AP3S1: variants seen among roughly 807,000 people sequenced by gnomAD.
AP3S1 encodes the protein adaptor related protein complex 3 subunit sigma 1.
Under a neutral mutation model 21.3 loss-of-function variants are expected in AP3S1, and 12 were observed. The ratio of observed to expected loss-of-function variants is 0.56; its 90% CI spans 0.36 to 0.91. The LOEUF is 0.91. Ranked by LOEUF, AP3S1 falls within the 40% of genes least tolerant of loss-of-function variation. The pLI is 0.01. For synonymous variants in AP3S1, 48 were observed against 78.4 expected (o/e 0.61, Z 2.05); for missense variants, 116 against 225.0 (o/e 0.52, Z 3.10).
chr5:115,861,900 T>A (rs1218725696), intron 1 of AP3S1, among the ~76,000 whole-genome samples: 2 of 142,258 alleles, frequency 1.4e-5, no homozygotes, highest in Non-Finnish European at 3.0e-5. Context: ...GGGGTCTCGC[T>A]ATGTTGCCCA....
At chr5:115,901,005 T>A (rs1312192376) in intron 4 of AP3S1, among the ~76,000 whole-genome samples, 1 of 152,210 alleles carries the variant, frequency 6.6e-6, no homozygotes, top group Non-Finnish European at 1.5e-5. Flanking sequence ...TAATGTTGAT[T>A]CACTGTTTTA....
intron 1 of AP3S1, 117 bp from the exon 2 acceptor site, chr5:115,866,553 A>G (rs1763635592): frequency 3.8e-6 from 2 of 532,922 alleles, no homozygotes; most frequent in East Asian, 3.5e-5. Context: ...TTCTCCAAGG[A>G]CCCCTCTCTT....
intron 3 of AP3S1, among the ~76,000 whole-genome samples, chr5:115,882,751 T>C (rs1217821062): frequency 1.3e-5 from 2 of 152,194 alleles, no homozygotes; most frequent in Non-Finnish European, 2.9e-5. Flanking sequence ...TGCTGCTCTA[T>C]TCAGAGCTGG....
Position 115,864,859 on chromosome 5 carries a change from C to T in AP3S1, c.70-1811C>T, listed in dbSNP as rs139452450. Among the ~76,000 whole-genome samples, 674 of 152,240 alleles carry T rather than the reference C, an allele frequency of 4.4e-3. 3 individuals are homozygous for T. Among genetic ancestry groups the T allele is most frequent in the Middle Eastern group, 0.01 (3 of 294 alleles). ...GGAAGTAGACTTAGAAGAAGCAGCG[C>T]CAGAAAACAAATTGACATTAGACAA... On this transcript the variant is annotated intron_variant, in intron 1 of 5. Coordinates refer to ENST00000316788, the MANE Select transcript of AP3S1 (RefSeq NM_001284.4).
chr5:115,908,855 T>A, intron 5 of AP3S1: 1 of 371,556 alleles, frequency 2.7e-6, no homozygotes, highest in Non-Finnish European at 3.7e-6. Flanking sequence ...TTTAAACTAT[T>A]GACATTTTCT....
chr5:115,889,288 C>A (rs1376352645), intron 3 of AP3S1, among the ~76,000 whole-genome samples: 1 of 151,814 alleles, frequency 6.6e-6, no homozygotes, highest in Non-Finnish European at 1.5e-5. Context: ...ATCAATGGAA[C>A]TAGAAAAATT....
intron 1 of AP3S1, among the ~76,000 whole-genome samples, chr5:115,844,723 A>G (rs1260059030): frequency 2.0e-5 from 3 of 152,206 alleles, no homozygotes; most frequent in African/African-American, 7.2e-5. Context: ...TTCTAGGCCC[A>G]GCACAAACAT....
At chr5:115,910,907 TG>T (rs1263602555) in intron 5 of AP3S1, among the ~76,000 whole-genome samples, 1 of 152,220 alleles carries the variant, frequency 6.6e-6, no homozygotes, top group Non-Finnish European at 1.5e-5. Flanking sequence ...ACAAAAGTAT[TG>T]AACATGCTTG....
At chr5:115,874,663 A>G (rs1307462353) in intron 3 of AP3S1, among the ~76,000 whole-genome samples, 2 of 152,316 alleles carry the variant, frequency 1.3e-5, no homozygotes, top group Middle Eastern at 3.4e-3. Context: ...ATTTGTTATT[A>G]TTACAGTACT....
intron 3 of AP3S1, among the ~76,000 whole-genome samples, chr5:115,879,416 G>A (rs1016029896): frequency 3.9e-5 from 6 of 152,164 alleles, no homozygotes; most frequent in Non-Finnish European, 8.8e-5. Context: ...AAGGGGTGTT[G>A]AATTTTATCA....
chr5:115,852,580 C>T (rs1580618305), intron 1 of AP3S1, among the ~76,000 whole-genome samples: 1 of 152,158 alleles, frequency 6.6e-6, no homozygotes, highest in Middle Eastern at 3.4e-3. Flanking sequence ...TCATTTTTGT[C>T]AAACTAAATG....
At chr5:115,861,865 C>CTTTTTTTTTTT (rs113923492) in intron 1 of AP3S1, among the ~76,000 whole-genome samples, 8 of 110,604 alleles carry the variant, frequency 7.2e-5, no homozygotes, top group Non-Finnish European at 1.2e-4. Flanking sequence ...CTTTTCTTTT[C>CTTTTTTTTTTT]TTTTTTTTTT....
chr5:115,889,622 C>T (rs1292865548), intron 3 of AP3S1, among the ~76,000 whole-genome samples: 2 of 152,072 alleles, frequency 1.3e-5, no homozygotes, highest in African/African-American at 4.8e-5. Context: ...AGGCAAGCCA[C>T]AGAACTGGCA....
chr5:115,896,868 T>G lies in AP3S1; in HGVS notation c.345+1710T>G, dbSNP rs142020577. On this transcript the variant is annotated intron_variant, in intron 4 of 5. Coordinates refer to ENST00000316788, the MANE Select transcript of AP3S1 (RefSeq NM_001284.4). ...TGACTGCTGAGAGGTCATCATTAGC[T>G]TATGTAAATACATTTACCATCTTTT... 5.1e-3 allele frequency among the ~76,000 whole-genome samples: 778 copies of G among 152,348 alleles called. 2 individuals are homozygous for G. Among genetic ancestry groups the G allele is most frequent in the South Asian group, 7.3e-3 (35 of 4,826 alleles).
At chr5:115,905,552 T>A (rs1316524726) in intron 5 of AP3S1, among the ~76,000 whole-genome samples, 1 of 152,224 alleles carries the variant, frequency 6.6e-6, no homozygotes, top group Non-Finnish European at 1.5e-5. Flanking sequence ...ATTTTAGTTA[T>A]GAAATCGGAT....
intron 3 of AP3S1, among the ~76,000 whole-genome samples, chr5:115,886,933 T>G (rs925144679): frequency 6.6e-6 from 1 of 152,202 alleles, no homozygotes; most frequent in African/African-American, 2.4e-5. Context: ...ATGACTGTTT[T>G]TGCTAACATT....
chr5:115,876,272 C>A (rs1213403838), intron 3 of AP3S1, among the ~76,000 whole-genome samples: 2 of 152,262 alleles, frequency 1.3e-5, no homozygotes, highest in African/African-American at 4.8e-5. Flanking sequence ...AGTAGACACG[C>A]TTTTCTTAGT....
intron 1 of AP3S1, among the ~76,000 whole-genome samples, chr5:115,864,797 A>T (rs1417408017): frequency 3.3e-5 from 5 of 152,230 alleles, no homozygotes; most frequent in Admixed American, 1.3e-4. Context: ...ACACATTTTG[A>T]TGGAGATGAG....
At chr5:115,886,749 A>G (rs953851719) in intron 3 of AP3S1, among the ~76,000 whole-genome samples, 4 of 152,198 alleles carry the variant, frequency 2.6e-5, no homozygotes, top group Non-Finnish European at 5.9e-5. Context: ...GCTAGCTGTT[A>G]TTATAATTAA....
Sources: allele counts gnomAD v4.1 joint callset (sites outside exome capture counted in the v4.1 genomes callset), GRCh38; gene constraint gnomAD v4.1.1; transcripts MANE v1.5; gene names NCBI Gene and HGNC (gene_info 2026-07-23, HGNC 2026-07-21).